The following WDR70 variants were observed in gnomAD, a reference collection of about 807,000 sequenced individuals.
WDR70 encodes WD repeat domain 70.
A neutral mutation model predicts 88.6 loss-of-function variants in WDR70; 53 were observed. The observed-to-expected ratio is 0.60, with a 90% CI of 0.48 to 0.75. WDR70 has a LOEUF of 0.75. Ranked by LOEUF, WDR70 falls within the 30% of genes least tolerant of loss-of-function variation. WDR70 has a pLI of 0.00. For missense variants in WDR70, 610 were observed against 823.2 expected, an observed-to-expected ratio of 0.74 and a Z score of 3.17; for synonymous variants, 280 against 270.0, an observed-to-expected ratio of 1.04 and a Z score of -0.36.
intron 3 of WDR70, among the ~76,000 whole-genome samples, chr5:37,391,136 G>A (rs1277905201): frequency 6.6e-6 from 1 of 152,104 alleles, no homozygotes; most frequent in Non-Finnish European, 1.5e-5. Context: ...TAGCATATCT[G>A]TTAATATTTC....
chr5:37,389,196 G>A (rs1463879732), intron 3 of WDR70, among the ~76,000 whole-genome samples: 15 of 150,028 alleles, frequency 1.0e-4, no homozygotes, highest in South Asian at 2.1e-4. Context: ...GGGTTCAAGC[G>A]ATTCTCCTGC....
At chr5:37,646,268 A>G (rs192536852) in intron 10 of WDR70, among the ~76,000 whole-genome samples, 156 of 152,246 alleles carry the variant, frequency 1.0e-3, no homozygotes, top group African/African-American at 3.6e-3. Flanking sequence ...AATAAACTCT[A>G]CAATTTAACT....
Position 37,720,283 on chromosome 5 carries a change from G to A in WDR70, c.1417-832G>A, listed in dbSNP as rs139778498. On this transcript the variant is annotated intron_variant, in intron 13 of 17. Transcript: ENST00000265107. ...CACTCATATCTTGTTCTATCAGAGT[G>A]AGTTCTATAGAACCTAGTACATGGG... Among the ~76,000 whole-genome samples, 158 of 152,198 alleles carry A rather than the reference G, an allele frequency of 1.0e-3. 1 individual carries two copies. The highest frequency in any genetic ancestry group is 3.4e-3 in the African/African-American group (142 of 41,538).
At chr5:37,495,649 G>A (rs186447791) in intron 8 of WDR70, among the ~76,000 whole-genome samples, 41 of 152,246 alleles carry the variant, frequency 2.7e-4, no homozygotes, top group African/African-American at 8.9e-4. Flanking sequence ...TTTTTCAGGA[G>A]TGCCTATGTT....
chr5:37,703,021 CG>C lies in WDR70; in HGVS notation c.1352del (p.Gly451AlafsTer17). 1 of 1,613,790 alleles carries C rather than the reference CG, an allele frequency of 6.2e-7. No homozygotes were observed. On this transcript the variant is annotated frameshift_variant, in exon 13 of 18. Transcript: ENST00000265107. LOFTEE classifies it high-confidence loss of function. Reference protein sequence around the residue: ...GTSIQRGCGSGKLVFFERRTF... With the variant: ...GTSIQRGCGSXKLVFFERRTF... ...CATCTATTCAAAGAGGATGTGGCAG[CG>C]GCAAACTTGTTTTCTTTGAGCGTAG...
intron 9 of WDR70, among the ~76,000 whole-genome samples, chr5:37,565,662 A>G (rs1445581844): frequency 1.3e-5 from 2 of 152,224 alleles, no homozygotes; most frequent in East Asian, 3.9e-4. Context: ...GTGTCTTTAT[A>G]TTATGTAGTC....
chr5:37,749,533 C>T (rs1268319024), intron 17 of WDR70, among the ~76,000 whole-genome samples: 1 of 151,490 alleles, frequency 6.6e-6, no homozygotes, highest in Non-Finnish European at 1.5e-5. Context: ...CCTGCACATT[C>T]TGCACATGTA....
chr5:37,618,658 A>T (rs1433360564), intron 10 of WDR70, among the ~76,000 whole-genome samples: 4 of 152,198 alleles, frequency 2.6e-5, no homozygotes, highest in African/African-American at 9.6e-5. Flanking sequence ...AGGAAGTGGG[A>T]AAAGGTTGAG....
At chr5:37,594,014 A>G (rs901250978) in intron 9 of WDR70, among the ~76,000 whole-genome samples, 8 of 152,036 alleles carry the variant, frequency 5.3e-5, no homozygotes, top group Non-Finnish European at 1.2e-4. Flanking sequence ...TTTCTTGTAA[A>G]TTTGTTTAAG....
chr5:37,471,919 A>G (rs1332640119), intron 7 of WDR70, among the ~76,000 whole-genome samples: 1 of 151,608 alleles, frequency 6.6e-6, no homozygotes, highest in Non-Finnish European at 1.5e-5. Flanking sequence ...ATGGTCAAGG[A>G]CCTCTATCGT....
chr5:37,426,005 G>A (rs1477526890), intron 5 of WDR70, among the ~76,000 whole-genome samples: 23 of 152,178 alleles, frequency 1.5e-4, no homozygotes. Flanking sequence ...TTGTTGTTGA[G>A]AGACATATAG....
At chr5:37,546,749 T>C (rs558028695) in intron 9 of WDR70, among the ~76,000 whole-genome samples, 2 of 152,090 alleles carry the variant, frequency 1.3e-5, no homozygotes, top group East Asian at 3.9e-4. Flanking sequence ...TGAAACCCCG[T>C]CTCTACTAAA....
At chr5:37,719,642 C>G (rs1256241847) in intron 13 of WDR70, among the ~76,000 whole-genome samples, 1 of 152,148 alleles carries the variant, frequency 6.6e-6, no homozygotes, top group South Asian at 2.1e-4. Context: ...GGTTAAGAAC[C>G]ACTCTTCTAG....
intron 10 of WDR70, among the ~76,000 whole-genome samples, chr5:37,678,069 T>C (rs1472891285): frequency 1.3e-5 from 2 of 152,128 alleles, no homozygotes; most frequent in African/African-American, 2.4e-5. Context: ...CCTTTTTTTG[T>C]TTTCCATTTG....
At chr5:37,621,444 C>G (rs1744502515) in intron 10 of WDR70, among the ~76,000 whole-genome samples, 2 of 152,104 alleles carry the variant, frequency 1.3e-5, no homozygotes, top group African/African-American at 4.8e-5. Flanking sequence ...AAAGACACCC[C>G]ATACCTATTA....
At chr5:37,572,109 G>A (rs1742921203) in intron 9 of WDR70, among the ~76,000 whole-genome samples, 1 of 152,172 alleles carries the variant, frequency 6.6e-6, no homozygotes, top group African/African-American at 2.4e-5. Flanking sequence ...TTACTGAAAT[G>A]TGTAAAATTA....
intron 10 of WDR70, among the ~76,000 whole-genome samples, chr5:37,680,365 G>C (rs1333321246): frequency 1.3e-5 from 2 of 152,090 alleles, no homozygotes; most frequent in African/African-American, 4.8e-5. Flanking sequence ...TTACTCTGTT[G>C]ATAGTTTCTG....
chr5:37,695,117 A>G (rs1050502411), intron 10 of WDR70, among the ~76,000 whole-genome samples: 2 of 152,176 alleles, frequency 1.3e-5, no homozygotes, highest in African/African-American at 4.8e-5. Context: ...CAGTCTTGGT[A>G]GAAGGCAAAG....
At chr5:37,553,550 A>T (rs1742207272) in intron 9 of WDR70, among the ~76,000 whole-genome samples, 2 of 152,098 alleles carry the variant, frequency 1.3e-5, no homozygotes, top group Non-Finnish European at 2.9e-5. Context: ...TTTTTGTTTC[A>T]GGTGTGTATG....
Sources: allele counts gnomAD v4.1 joint callset (sites outside exome capture counted in the v4.1 genomes callset), GRCh38; gene constraint gnomAD v4.1.1; transcripts MANE v1.5; gene names NCBI Gene and HGNC (gene_info 2026-07-23, HGNC 2026-07-21).